Variants in PCDHGB5 observed in about 807,000 individuals in gnomAD.
PCDHGB5 encodes protocadherin gamma subfamily B, 5.
A neutral mutation model predicts 62.9 loss-of-function variants in PCDHGB5; 48 were observed. The ratio of observed to expected loss-of-function variants is 0.76; its 90% CI spans 0.61 to 0.97. PCDHGB5 has a LOEUF of 0.97. Among genes scored for constraint, PCDHGB5 ranks in the 50% least tolerant of loss-of-function variants. The pLI, the probability that PCDHGB5 is intolerant of heterozygous loss-of-function variation, is 0.00. For missense variants in PCDHGB5, 1,118 were observed against 1,198.6 expected (o/e 0.93, Z 0.99); for synonymous variants, 474 against 511.2 (o/e 0.93, Z 0.98).
intron 1 of PCDHGB5, chr5:141,415,485 T>C (rs2154545779): frequency 6.2e-7 from 1 of 1,614,044 alleles, no homozygotes; most frequent in South Asian, 1.1e-5. Flanking sequence ...CGCGAAAGAG[T>C]CACCTGATCT....
In PCDHGB5 at chr5:141,477,294, C is replaced by G. The variant is rs753131175; in HGVS notation, c.2398-17513C>G. On this transcript the variant is annotated intron_variant, in intron 1 of 3. Coordinates refer to ENST00000617380, the MANE Select transcript of PCDHGB5 (RefSeq NM_018925.3). This position sits in a 1 kb window ranked among gnomAD's most constrained non-coding sequence, Gnocchi z 4.9. ...GGGCTGGTGACCTGCGAAGTTCCACCGGGTCTCCCTTTCAGCCTTACTTCT... is the reference window on the plus strand; with the variant it reads ...GGGCTGGTGACCTGCGAAGTTCCACGGGGTCTCCCTTTCAGCCTTACTTCT... The G allele has an allele frequency of 2.1e-5, 34 of 1,614,024 alleles. No individual in the cohort carries two copies. Among genetic ancestry groups the G allele is most frequent in the Non-Finnish European group, 2.9e-5 (34 of 1,180,036 alleles).
At chr5:141,451,561 C>T (rs1412657561) in intron 1 of PCDHGB5, among the ~76,000 whole-genome samples, 2 of 152,096 alleles carry the variant, frequency 1.3e-5, no homozygotes, top group Non-Finnish European at 2.9e-5. Flanking sequence ...ATGAAAGCCA[C>T]AATCTTTTTA....
chr5:141,402,857 A>G, intron 1 of PCDHGB5: 2 of 1,425,270 alleles, frequency 1.4e-6, no homozygotes, highest in Non-Finnish European at 1.8e-6. Context: ...CTTTCTTCTA[A>G]GGAAAAGATC....
At position 141,418,204 on chromosome 5, in the gene PCDHGB5, T is replaced by G. The variant is rs1456912993; in HGVS notation, c.2397+17680T>G. ...AAGCTGTGGTGGAAAATCCTTTAAATATTTTTCATGTCATTGTGGTGATTG... is the reference window on the plus strand; with the variant it reads ...AAGCTGTGGTGGAAAATCCTTTAAAGATTTTTCATGTCATTGTGGTGATTG... On this transcript the variant is annotated intron_variant, in intron 1 of 3. Transcript: ENST00000617380. The G allele has an allele frequency of 2.5e-6, 4 of 1,614,054 alleles. No homozygotes were observed. The East Asian group carries it at 8.9e-5, about 36-fold the overall frequency.
Position 141,431,559 on chromosome 5 carries a change from C to T in PCDHGB5, c.2397+31035C>T. 6.2e-7 allele frequency: 1 copy of T among 1,614,158 alleles called. No individual in the cohort carries two copies. On this transcript the variant is annotated intron_variant, in intron 1 of 3. Transcript: ENST00000617380. The surrounding 1 kb of genome is among the most constrained non-coding windows in gnomAD (Gnocchi z 4.8). ...ACGCAGCTGCTTGTAGTCAACGCTA[C>T]CGACCCTGACGAAGGAGTCAATGCG...
At chr5:141,427,650 G>C (rs1352503291) in intron 1 of PCDHGB5, 1 of 718,312 alleles carries the variant, frequency 1.4e-6, no homozygotes. Flanking sequence ...AGTCTCCTAC[G>C]TGGTCCACGT....
chr5:141,438,583 CATACATACATATATAT>C (rs1183800202), intron 1 of PCDHGB5, among the ~76,000 whole-genome samples: 1 of 57,610 alleles, frequency 1.7e-5, no homozygotes, highest in African/African-American at 9.0e-5. Context: ...TACATACATA[CATACATACATATATAT>C]ATATATATAT....
At chr5:141,508,662 T>G (rs2099870759) in intron 3 of PCDHGB5, among the ~76,000 whole-genome samples, 1 of 152,122 alleles carries the variant, frequency 6.6e-6, no homozygotes, top group Non-Finnish European at 1.5e-5. Context: ...CCTGTCATTC[T>G]GTCTCTGCCT....
At chr5:141,414,290 T>C (rs781378958) in intron 1 of PCDHGB5, 1 of 1,613,272 alleles carries the variant, frequency 6.2e-7, no homozygotes, top group Admixed American at 1.7e-5. Context: ...GTCGTAGCCC[T>C]TTTAAATGTG....
In PCDHGB5 at chr5:141,490,275, C is replaced by A; in HGVS notation, c.2398-4532C>A. 6.2e-7 allele frequency: 1 copy of A among 1,614,238 alleles called. No individual in the cohort carries two copies. The highest frequency in any genetic ancestry group is 8.5e-7 in the Non-Finnish European group (1 of 1,180,044). On this transcript the variant is annotated intron_variant, in intron 1 of 3. Transcript: ENST00000617380. The surrounding 1 kb of genome is among the most constrained non-coding windows in gnomAD (Gnocchi z 5.4). Reference sequence around the variant, plus strand: ...AAGTGGATGTGGGGGATGTCAATGACAATGCCCCAGAGGTGCTATTGGCCT... The same window carrying A: ...AAGTGGATGTGGGGGATGTCAATGAAAATGCCCCAGAGGTGCTATTGGCCT...
Position 141,422,774 on chromosome 5 carries a change from A to G in PCDHGB5, c.2397+22250A>G, listed in dbSNP as rs372343628. On this transcript the variant is annotated intron_variant, in intron 1 of 3. Coordinates refer to ENST00000617380, the MANE Select transcript of PCDHGB5 (RefSeq NM_018925.3). ...ATTAACTCCAACACTGGTGTTCTCT[A>G]TGCCCTACAATCCTTCGACTATGAG... 100 of 1,613,880 alleles carry G rather than the reference A, an allele frequency of 6.2e-5. 1 individual carries two copies. In the Middle Eastern group the frequency reaches 1.3e-3, roughly 21 times the overall value.
At position 141,414,131 on chromosome 5, in the gene PCDHGB5, A is replaced by G. The variant is rs977911874; in HGVS notation, c.2397+13607A>G. 1.9e-6 allele frequency: 3 copies of G among 1,594,622 alleles called. No homozygotes were observed. The highest frequency in any genetic ancestry group is 2.7e-5 in the African/African-American group (2 of 74,402). The stretch of plus-strand genomic sequence containing the variant: ...CTAGATTATGAAGAAACCGGTTTCT[A>G]TGAAATAGAAATACAAGCAGAAGAT... On this transcript the variant is annotated intron_variant, in intron 1 of 3. Transcript: ENST00000617380.
In PCDHGB5 at chr5:141,409,025, G is replaced by T. The variant is rs202094928; in HGVS notation, c.2397+8501G>T. Reference sequence around the variant, plus strand: ...CACTGACCAGGATGAGGGGGTCAATGCTGAGATAAACTACTACTTCCGAAG... The same window carrying T: ...CACTGACCAGGATGAGGGGGTCAATTCTGAGATAAACTACTACTTCCGAAG... On this transcript the variant is annotated intron_variant, in intron 1 of 3. Coordinates refer to ENST00000617380, the MANE Select transcript of PCDHGB5 (RefSeq NM_018925.3). 2.9e-3 allele frequency: 4,667 copies of T among 1,614,008 alleles called. 11 individuals are homozygous for T. The highest frequency in any genetic ancestry group is 3.6e-3 in the Non-Finnish European group (4,254 of 1,179,906).
intron 1 of PCDHGB5, chr5:141,478,437 A>G (rs2099455876): frequency 6.2e-7 from 1 of 1,613,758 alleles, no homozygotes; most frequent in African/African-American, 1.3e-5. Flanking sequence ...CCGCTGCTGA[A>G]GAAACCTGGT....
Position 141,511,002 on chromosome 5 carries a change from C to A in PCDHGB5, c.2601C>A (p.Ser867Arg), listed in dbSNP as rs143630962. The change falls in exon 4 of 4, where the codon AGC becomes AGA. Residue 867 changes from serine to arginine, a missense_variant. Physicochemically the swap from Ser to Arg is moderately radical, Grantham distance 110. Transcript: ENST00000617380. Reference protein sequence around the residue: ...LGGGAGTMGLSARYGPQFTLQ... With the variant: ...LGGGAGTMGLRARYGPQFTLQ... ...GGGGTGCCGGCACCATGGGATTGAG[C>A]GCCCGCTACGGACCCCAGTTCACCC... The A allele has an allele frequency of 8.7e-6, 14 of 1,614,140 alleles. No homozygotes were observed. The highest frequency in any genetic ancestry group is 1.2e-5 in the Non-Finnish European group (14 of 1,180,018).
chr5:141,410,104 C>T, intron 1 of PCDHGB5: 1 of 1,612,582 alleles, frequency 6.2e-7, no homozygotes, highest in African/African-American at 1.3e-5. Context: ...CCTTAGGCGA[C>T]AGGGACGCAG....
intron 1 of PCDHGB5, among the ~76,000 whole-genome samples, chr5:141,406,594 G>A (rs1463823326): frequency 1.3e-5 from 2 of 152,068 alleles, no homozygotes; most frequent in Non-Finnish European, 2.9e-5. Context: ...CCCTTTAATG[G>A]TGAAAGTTGT....
intron 1 of PCDHGB5, among the ~76,000 whole-genome samples, chr5:141,436,150 T>A (rs1270913305): frequency 6.6e-6 from 1 of 152,182 alleles, no homozygotes; most frequent in African/African-American, 2.4e-5. Flanking sequence ...ACTACCAAAA[T>A]GTTTATCATA....
At chr5:141,454,000 T>C (rs1048921374) in intron 1 of PCDHGB5, among the ~76,000 whole-genome samples, 2 of 152,214 alleles carry the variant, frequency 1.3e-5, no homozygotes, top group African/African-American at 4.8e-5. Flanking sequence ...TAAACCCACA[T>C]AACATTTTAG....
Sources: allele counts gnomAD v4.1 joint callset (sites outside exome capture counted in the v4.1 genomes callset), GRCh38; gene constraint gnomAD v4.1.1; non-coding constraint Gnocchi (gnomAD v3.1); transcripts MANE v1.5; gene names NCBI Gene and HGNC (gene_info 2026-07-23, HGNC 2026-07-21).